Variants in ATF2 observed in about 807,000 individuals in gnomAD.
ATF2 encodes activating transcription factor 2, also known as cyclic AMP-dependent transcription factor ATF-2.
A neutral mutation model predicts 60.6 loss-of-function variants in ATF2; 24 were observed. The ratio of observed to expected loss-of-function variants is 0.40; its 90% CI spans 0.29 to 0.56. The LOEUF (loss-of-function observed/expected upper bound fraction) is 0.56. ATF2 is among the 20% of genes least tolerant of loss of function. ATF2 has a pLI of 0.54. For missense variants in ATF2, 433 were observed against 607.7 expected (o/e 0.71, Z 3.02); for synonymous variants, 206 against 215.4 (o/e 0.96, Z 0.38).
chr2:175,081,816 C>T (rs551200626), intron 12 of ATF2, among the ~76,000 whole-genome samples: 73 of 152,206 alleles, frequency 4.8e-4, no homozygotes, highest in Middle Eastern at 3.4e-3. Flanking sequence ...TTTGGGAGGC[C>T]GAGGCAGTTG....
intron 12 of ATF2, among the ~76,000 whole-genome samples, chr2:175,083,054 G>GA (rs1263837598): frequency 1.3e-5 from 2 of 151,744 alleles, no homozygotes; most frequent in Non-Finnish European, 2.9e-5. Flanking sequence ...TCAATATTGT[G>GA]AAAATGGCCA....
At chr2:175,088,632 T>C (rs1356855659) in intron 12 of ATF2, among the ~76,000 whole-genome samples, 1 of 151,894 alleles carries the variant, frequency 6.6e-6, no homozygotes, top group Non-Finnish European at 1.5e-5. Context: ...AAAGCTGCGA[T>C]TCTGTTTGCA....
At chr2:175,108,385 C>CCCGG (rs1695882499) in intron 10 of ATF2, among the ~76,000 whole-genome samples, 1 of 151,018 alleles carries the variant, frequency 6.6e-6, no homozygotes, top group Non-Finnish European at 1.5e-5. Context: ...TCAGCGTCCA[C>CCCGG]CCGGCCAGCC....
rs767814819 is a variant in ATF2, at chr2:175,114,113, G to A, written c.627-5C>T. 1 of 1,570,078 alleles carries A rather than the reference G, an allele frequency of 6.4e-7. No individual in the cohort carries two copies. Among genetic ancestry groups the A allele is most frequent in the South Asian group, 1.2e-5 (1 of 83,900 alleles). On this transcript the variant is annotated splice_region_variant and splice_polypyrimidine_tract_variant and intron_variant, in intron 8 of 13. Coordinates refer to ENST00000264110, the MANE Select transcript of ATF2 (RefSeq NM_001880.4). ...GGAAATGGGCCTGGTACAGGGCTAA[G>A]AAAAACAAAAGAAGAGAAATTTTAA...
chr2:175,153,261 C>T (rs1219526708), intron 1 of ATF2, among the ~76,000 whole-genome samples: 1 of 152,098 alleles, frequency 6.6e-6, no homozygotes, highest in Non-Finnish European at 1.5e-5. Flanking sequence ...TCTGCTTTGC[C>T]CCCACTACCT....
chr2:175,136,750 T>C (rs1047584602), intron 2 of ATF2, among the ~76,000 whole-genome samples: 31 of 152,154 alleles, frequency 2.0e-4, no homozygotes, highest in African/African-American at 7.2e-4. Flanking sequence ...AGGGCTGTGA[T>C]TGAAGGGCAG....
At chr2:175,084,987 T>C (rs2105556171) in intron 12 of ATF2, among the ~76,000 whole-genome samples, 1 of 151,974 alleles carries the variant, frequency 6.6e-6, no homozygotes, top group South Asian at 2.1e-4. Context: ...ATAATATGAA[T>C]CTGGTCAGAG....
chr2:175,099,135 C>T (rs1695143363), intron 10 of ATF2, among the ~76,000 whole-genome samples: 2 of 141,228 alleles, frequency 1.4e-5, no homozygotes, highest in South Asian at 2.3e-4. Flanking sequence ...GAGGGAGTCT[C>T]GCCTGTCGCC....
chr2:175,080,732 G>C lies in ATF2; in HGVS notation c.1219C>G (p.Gln407Glu). ...EVTLLRNEVA[Q>E]LKQLLLAHKD... ...TGAGCCAGAAGAAGCTGTTTCAGCTGTGCCACTTCATTTCTCAGCAGGGTG... is the reference window on the plus strand; with the variant it reads ...TGAGCCAGAAGAAGCTGTTTCAGCTCTGCCACTTCATTTCTCAGCAGGGTG... Residue 407 changes from glutamine (Q) to glutamate (E), a missense_variant, in exon 13 of 14, where the codon CAG becomes GAG. Transcript: ENST00000264110. 6.2e-7 allele frequency: 1 copy of C among 1,613,130 alleles called. No homozygotes were observed. The highest frequency in any genetic ancestry group is 8.5e-7 in the Non-Finnish European group (1 of 1,179,390).
chr2:175,082,569 G>A (rs1574314649), intron 12 of ATF2, among the ~76,000 whole-genome samples: 1 of 152,152 alleles, frequency 6.6e-6, no homozygotes, highest in East Asian at 1.9e-4. Context: ...GAAATGGGCT[G>A]GATATTTATT....
At chr2:175,135,589 A>G (rs751258774) in intron 3 of ATF2, among the ~76,000 whole-genome samples, 46 of 152,224 alleles carry the variant, frequency 3.0e-4, no homozygotes, top group Admixed American at 1.3e-4. Flanking sequence ...GGTCTCCTCA[A>G]CAAGTAAATG....
intron 2 of ATF2, 39 bp from the exon 3 acceptor site, chr2:175,136,525 C>T (rs1698153619): frequency 7.9e-7 from 1 of 1,272,284 alleles, no homozygotes; most frequent in Non-Finnish European, 1.1e-6. Context: ...AAAAATAGTT[C>T]TGAAACACTT....
intron 2 of ATF2, among the ~76,000 whole-genome samples, chr2:175,150,646 T>C (rs988449773): frequency 4.9e-5 from 7 of 144,032 alleles, no homozygotes; most frequent in African/African-American, 1.8e-4. Context: ...TTTCATTAGC[T>C]TGTACGGCCC....
At chr2:175,123,551 T>G (rs1388671752) in intron 4 of ATF2, among the ~76,000 whole-genome samples, 1 of 152,048 alleles carries the variant, frequency 6.6e-6, no homozygotes, top group Non-Finnish European at 1.5e-5. Context: ...ACCCCAAATA[T>G]TCAAATCAAA....
chr2:175,097,540 A>C lies in ATF2; in HGVS notation c.882T>G (p.Thr294=). ...QQHPPVTNGD[T]VKGHGSGLVR... ...CCAATCCGCTACCATGACCTTTGAC[A>C]GTATCACCATTGGTAACTGGAGGAT... The change falls in exon 11 of 14, where the codon ACT becomes ACG. Residue 294 remains threonine, a synonymous_variant. Transcript: ENST00000264110. The C allele has an allele frequency of 1.2e-6, 2 of 1,614,128 alleles. No homozygotes were observed. The highest frequency in any genetic ancestry group is 1.7e-4 in the Middle Eastern group (1 of 6,060).
At chr2:175,117,969 G>C in intron 7 of ATF2, 21 bp downstream of exon 7, 1 of 1,586,140 alleles carries the variant, frequency 6.3e-7, no homozygotes, top group Non-Finnish European at 8.5e-7. Flanking sequence ...CCCTTACTTT[G>C]TATTTCTAAA....
intron 4 of ATF2, among the ~76,000 whole-genome samples, chr2:175,123,055 C>A (rs769850135): frequency 5.3e-5 from 8 of 152,030 alleles, no homozygotes; most frequent in Non-Finnish European, 1.0e-4. Context: ...TTGACATATT[C>A]ATTCACTCTT....
intron 2 of ATF2, among the ~76,000 whole-genome samples, chr2:175,143,043 AAGG>A (rs139502677): frequency 2.7e-4 from 41 of 152,296 alleles, no homozygotes; most frequent in African/African-American, 9.9e-4. Context: ...TGGCGTTCAG[AAGG>A]AGATCACTTG....
intron 7 of ATF2, among the ~76,000 whole-genome samples, chr2:175,117,575 G>A (rs1164699654): frequency 1.3e-5 from 2 of 151,846 alleles, no homozygotes; most frequent in African/African-American, 4.8e-5. Flanking sequence ...CCTAATTGCC[G>A]CTAACAAAGA....
Sources: allele counts gnomAD v4.1 joint callset (sites outside exome capture counted in the v4.1 genomes callset), GRCh38; gene constraint gnomAD v4.1.1; transcripts MANE v1.5; gene names NCBI Gene and HGNC (gene_info 2026-07-23, HGNC 2026-07-21).